Variants in RPRD2 observed in about 807,000 individuals in gnomAD.
RPRD2 encodes the protein regulation of nuclear pre-mRNA domain containing 2, also known as regulation of nuclear pre-mRNA domain-containing protein 2.
A neutral mutation model predicts 104.4 loss-of-function variants in RPRD2; 12 were observed. That is an observed-to-expected ratio of 0.11 (90% CI 0.07 to 0.19). The LOEUF is 0.19. RPRD2 is among the 10% of genes least tolerant of loss of function. RPRD2 has a pLI of 1.00. For missense variants in RPRD2, 1,543 were observed against 1,790.1 expected (o/e 0.86, Z 2.49); for synonymous variants, 714 against 684.9 (o/e 1.04, Z -0.66).
chr1:150,366,941 G>GT (rs1659887301), intron 1 of RPRD2, among the ~76,000 whole-genome samples: 3 of 151,932 alleles, frequency 2.0e-5, no homozygotes, highest in South Asian at 2.1e-4. Context: ...GACAATTACA[G>GT]TTTTTTTTCT....
chr1:150,461,245 A>C (rs1553898779), intron 9 of RPRD2, among the ~76,000 whole-genome samples: 1 of 151,746 alleles, frequency 6.6e-6, no homozygotes, highest in Non-Finnish European at 1.5e-5. Flanking sequence ...AAAATTTTAA[A>C]TGAAAAAAAT....
intron 1 of RPRD2, among the ~76,000 whole-genome samples, chr1:150,395,226 C>T (rs1267256726): frequency 6.6e-6 from 1 of 152,186 alleles, no homozygotes; most frequent in Non-Finnish European, 1.5e-5. Context: ...CATAGCTTAG[C>T]TCCCACATAT....
chr1:150,444,145 G>C (rs74124686), intron 5 of RPRD2, 106 bp from the exon 6 acceptor site: 93,840 of 1,114,800 alleles, frequency 0.084, 4,460 homozygotes, highest in African/African-American at 0.11. Flanking sequence ...TAAGCTTTAG[G>C]GTGTTTGTTT....
chr1:150,448,854 A>T (rs782449074), intron 7 of RPRD2, among the ~76,000 whole-genome samples: 1 of 151,992 alleles, frequency 6.6e-6, no homozygotes, highest in Non-Finnish European at 1.5e-5. Context: ...TGAGTCCTCT[A>T]TTTTCCAGAT....
chr1:150,417,407 T>G (rs1256483503), intron 1 of RPRD2, among the ~76,000 whole-genome samples, 189 bp from the exon 2 acceptor site: 1 of 152,194 alleles, frequency 6.6e-6, no homozygotes, highest in Non-Finnish European at 1.5e-5. Flanking sequence ...CTTCCATCCA[T>G]TAGTTCATTT....
At position 150,406,903 on chromosome 1, in the gene RPRD2, CAG is replaced by C. The variant is rs150299049; in HGVS notation, c.206-10692_206-10691del. ...CTAATTTTGTATTTTTAGTAAGAGA[CAG>C]GGTTTCTCCATGTTGATCAGGCTGG... On this transcript the variant is annotated intron_variant, in intron 1 of 10. Coordinates refer to ENST00000369068, the MANE Select transcript of RPRD2 (RefSeq NM_015203.5). 9.8e-3 allele frequency among the ~76,000 whole-genome samples: 1,485 copies of C among 152,066 alleles called. 58 individuals carry two copies. The highest frequency in any genetic ancestry group is 0.067 in the Admixed American group (1,020 of 15,248).
chr1:150,439,559 T>C (rs782649415), intron 2 of RPRD2, among the ~76,000 whole-genome samples: 2 of 152,130 alleles, frequency 1.3e-5, no homozygotes, highest in South Asian at 2.1e-4. Context: ...AAAAAAATTC[T>C]TTGTGAACAC....
chr1:150,389,746 C>T (rs1414584041), intron 1 of RPRD2, among the ~76,000 whole-genome samples: 1 of 152,150 alleles, frequency 6.6e-6, no homozygotes, highest in East Asian at 1.9e-4. Context: ...TTAACAAGCA[C>T]ACATTTTAAT....
chr1:150,426,012 G>T (rs1456986943), intron 2 of RPRD2, among the ~76,000 whole-genome samples: 1 of 152,154 alleles, frequency 6.6e-6, no homozygotes, highest in Non-Finnish European at 1.5e-5. Flanking sequence ...GAAGCAGGAG[G>T]ATCGCTTGAG....
chr1:150,369,623 A>ATTTT lies in RPRD2; in HGVS notation c.205+4720_205+4723dup, dbSNP rs61016870. On this transcript the variant is annotated intron_variant, in intron 1 of 10. Coordinates refer to ENST00000369068, the MANE Select transcript of RPRD2 (RefSeq NM_015203.5). ...AGGCGCCCGTCACCGCGCCCAGCTAATTTTTTTTTTTTTTTTTTTGTATTT... is the reference window on the plus strand; with the variant it reads ...AGGCGCCCGTCACCGCGCCCAGCTAATTTTTTTTTTTTTTTTTTTTTTTGTATTT... Among the ~76,000 whole-genome samples, 44 of 68,870 alleles carry ATTTT rather than the reference A, an allele frequency of 6.4e-4. 1 individual carries two copies. The highest frequency in any genetic ancestry group is 1.1e-3 in the African/African-American group (19 of 17,810). 45.2% of individuals were successfully genotyped at this position (68,870 alleles called of 152,430 possible). A position where few individuals can be genotyped will look rare whatever the true frequency, so the allele number is the denominator to read the frequency against.
At chr1:150,384,928 A>G (rs1661453694) in intron 1 of RPRD2, among the ~76,000 whole-genome samples, 1 of 151,996 alleles carries the variant, frequency 6.6e-6, no homozygotes, top group Admixed American at 6.6e-5. Flanking sequence ...AAAGCAGAAA[A>G]ATCACTCAGC....
chr1:150,421,595 A>G (rs951625961), intron 2 of RPRD2, among the ~76,000 whole-genome samples: 13 of 152,192 alleles, frequency 8.5e-5, no homozygotes, highest in Non-Finnish European at 1.6e-4. Context: ...AAGCAGGAAT[A>G]GAAGATTGTA....
At chr1:150,378,547 C>T (rs1278006996) in intron 1 of RPRD2, among the ~76,000 whole-genome samples, 2 of 152,074 alleles carry the variant, frequency 1.3e-5, no homozygotes, top group Admixed American at 6.6e-5. Context: ...TTGCACCTGC[C>T]CATTCTCATA....
intron 9 of RPRD2, among the ~76,000 whole-genome samples, chr1:150,460,704 G>C (rs1225353247): frequency 4.2e-5 from 6 of 142,788 alleles, no homozygotes; most frequent in Non-Finnish European, 9.2e-5. Context: ...TGCCCAGTCT[G>C]TTGTTGATTT....
At chr1:150,379,342 T>C (rs1278205375) in intron 1 of RPRD2, among the ~76,000 whole-genome samples, 1 of 152,132 alleles carries the variant, frequency 6.6e-6, no homozygotes, top group Non-Finnish European at 1.5e-5. Context: ...ATTTATTGTT[T>C]TTAATGGGTT....
intron 2 of RPRD2, among the ~76,000 whole-genome samples, chr1:150,429,728 T>C (rs587627634): frequency 6.6e-6 from 1 of 152,354 alleles, no homozygotes; most frequent in South Asian, 2.1e-4. Flanking sequence ...ATCACTGTTT[T>C]GAAGAAGTTC....
chr1:150,392,061 A>G (rs889646892), intron 1 of RPRD2, among the ~76,000 whole-genome samples: 3 of 149,922 alleles, frequency 2.0e-5, no homozygotes, highest in Admixed American at 1.3e-4. Flanking sequence ...TTAGCCAGGC[A>G]TGGTGGCAGG....
chr1:150,470,641 C>T lies in RPRD2; in HGVS notation c.1693C>T (p.Pro565Ser). The T allele has an allele frequency of 6.2e-7, 1 of 1,614,012 alleles. No individual in the cohort carries two copies. Among genetic ancestry groups the T allele is most frequent in the Non-Finnish European group, 8.5e-7 (1 of 1,179,882 alleles). Residue 565 changes from proline (P) to serine (S), a missense_variant, in exon 11 of 11, where the codon CCT becomes TCT. Pro to Ser is a moderately conservative substitution (Grantham distance 74, BLOSUM62 -1). Around this residue, in one of 4 missense-constraint regions of RPRD2, gnomAD observed 572 missense variants for 787.3 expected, o/e 0.73. Coordinates refer to ENST00000369068, the MANE Select transcript of RPRD2 (RefSeq NM_015203.5). ...EAASQSTSAS[P>S]ANTTVSTIKG... The stretch of plus-strand genomic sequence containing the variant: ...TGCCTCACAGAGCACTTCAGCCTCC[C>T]CTGCCAACACCACAGTCTCTACCAT...
intron 2 of RPRD2, among the ~76,000 whole-genome samples, chr1:150,428,851 T>G (rs1298226293): frequency 1.3e-5 from 2 of 152,128 alleles, no homozygotes; most frequent in Non-Finnish European, 2.9e-5. Flanking sequence ...CTTTCCCCTT[T>G]AAAATAATTT....
Sources: gnomAD v4.1 joint callset for allele counts (sites outside exome capture counted in the v4.1 genomes callset) on GRCh38, gnomAD v4.1.1 for gene constraint, gnomAD v4.1.1 regional missense constraint, MANE v1.5 for transcripts, NCBI Gene and HGNC (gene_info 2026-07-23, HGNC 2026-07-21) for gene names.